The following TRABD2B variants were observed in gnomAD, a reference collection of about 807,000 sequenced individuals.
The protein encoded by TRABD2B is metalloprotease TIKI2.
Under a neutral mutation model 40.1 loss-of-function variants are expected in TRABD2B, and 14 were observed. The ratio of observed to expected loss-of-function variants is 0.35; its 90% CI spans 0.23 to 0.55. The LOEUF is 0.55. TRABD2B is among the 20% of genes least tolerant of loss of function. The probability of loss-of-function intolerance (pLI) is 0.90; values close to 1 mark genes in which losing one functional copy is unlikely to be tolerated. For missense variants in TRABD2B, 541 were observed against 648.6 expected, an observed-to-expected ratio of 0.83 and a Z score of 1.80; for synonymous variants, 263 against 277.0, an observed-to-expected ratio of 0.95 and a Z score of 0.50.
chr1:47,854,110 A>G (rs902470941), intron 2 of TRABD2B, among the ~76,000 whole-genome samples: 2 of 152,252 alleles, frequency 1.3e-5, no homozygotes, highest in Admixed American at 6.5e-5. Context: ...CAACTCTGCT[A>G]CTTACTAGCT....
chr1:47,839,417 C>T (rs556139466), intron 2 of TRABD2B, among the ~76,000 whole-genome samples: 1 of 152,292 alleles, frequency 6.6e-6, no homozygotes, highest in South Asian at 2.1e-4. Context: ...ACCAGTCCCC[C>T]AGTGAGACTG....
At chr1:47,892,576 C>T (rs1266752431) in intron 2 of TRABD2B, among the ~76,000 whole-genome samples, 1 of 152,108 alleles carries the variant, frequency 6.6e-6, no homozygotes, top group African/African-American at 2.4e-5. Context: ...GGACTGAGCC[C>T]TGGGACCCTC....
intron 2 of TRABD2B, among the ~76,000 whole-genome samples, chr1:47,852,237 G>A (rs1018564178): frequency 7.2e-5 from 11 of 152,148 alleles, no homozygotes; most frequent in Admixed American, 3.9e-4. Context: ...GAGGCCAGGC[G>A]GAGGTTTGGG....
At position 47,911,108 on chromosome 1, in the gene TRABD2B, TG is replaced by T. The variant is rs1393806029; in HGVS notation, c.666+82925del. Among the ~76,000 whole-genome samples, 9 of 152,276 alleles carry T rather than the reference TG, an allele frequency of 5.9e-5. No individual in the cohort carries two copies. In the East Asian group the frequency reaches 1.7e-3, roughly 29 times the overall value. ...GCCAGCCCCAGCCAGGATTTTTACATGGGGGAAAATAGAAATGTGTAATAGA... is the reference window on the plus strand; with the variant it reads ...GCCAGCCCCAGCCAGGATTTTTACATGGGGAAAATAGAAATGTGTAATAGA... On this transcript the variant is annotated intron_variant, in intron 2 of 6. Coordinates refer to ENST00000606738, the MANE Select transcript of TRABD2B (RefSeq NM_001194986.2).
rs561385807 is a variant in TRABD2B, at chr1:47,983,568, A to G, written c.666+10466T>C. ...AGTCCCCAAGTGGCTCAGTTTACCC[A>G]TCCTGTGACCAATCCACAGCTCTTC... is the stretch of plus-strand genomic sequence containing the variant. On this transcript the variant is annotated intron_variant, in intron 2 of 6. Coordinates refer to ENST00000606738, the MANE Select transcript of TRABD2B (RefSeq NM_001194986.2). 5.9e-5 allele frequency among the ~76,000 whole-genome samples: 9 copies of G among 152,230 alleles called. No homozygotes were observed. The South Asian group carries it at 1.9e-3, about 32-fold the overall frequency.
At chr1:47,799,229 T>A (rs1471724866) in intron 3 of TRABD2B, among the ~76,000 whole-genome samples, 1 of 152,124 alleles carries the variant, frequency 6.6e-6, no homozygotes, top group African/African-American at 2.4e-5. Context: ...CCTGGCCACA[T>A]CATGGCCAGA....
At chr1:47,958,310 G>A (rs1407243196) in intron 2 of TRABD2B, among the ~76,000 whole-genome samples, 11 of 142,010 alleles carry the variant, frequency 7.7e-5, no homozygotes, top group East Asian at 2.0e-4. Context: ...ACTAACAAGC[G>A]AAACAACCAG....
chr1:47,770,947 A>C (rs1569877616), intron 6 of TRABD2B, among the ~76,000 whole-genome samples: 1 of 152,302 alleles, frequency 6.6e-6, no homozygotes, highest in Non-Finnish European at 1.5e-5. Context: ...GCATCATCTC[A>C]CATAATCTCT....
At chr1:47,878,318 AC>A (rs1378677512) in intron 2 of TRABD2B, among the ~76,000 whole-genome samples, 1 of 152,076 alleles carries the variant, frequency 6.6e-6, no homozygotes, top group East Asian at 1.9e-4. Flanking sequence ...TCTCCCCTGC[AC>A]CCCCCAAAAA....
intron 2 of TRABD2B, among the ~76,000 whole-genome samples, chr1:47,952,453 G>A (rs1645358950): frequency 6.6e-6 from 1 of 152,144 alleles, no homozygotes; most frequent in African/African-American, 2.4e-5. Context: ...AGCCCACAAT[G>A]GCCACAAACA....
At position 47,931,680 on chromosome 1, in the gene TRABD2B, C is replaced by G. The variant is rs564799499; in HGVS notation, c.666+62354G>C. 5.3e-5 allele frequency among the ~76,000 whole-genome samples: 8 copies of G among 152,254 alleles called. No homozygotes were observed. In the East Asian group the frequency reaches 9.7e-4, roughly 18 times the overall value. On this transcript the variant is annotated intron_variant, in intron 2 of 6. Transcript: ENST00000606738. ...ATACCTGCCTTCTAGAGGGAAGCTTCTAGAACTCATCACACCAGCCCAGTT... is the reference window on the plus strand; with the variant it reads ...ATACCTGCCTTCTAGAGGGAAGCTTGTAGAACTCATCACACCAGCCCAGTT...
intron 2 of TRABD2B, among the ~76,000 whole-genome samples, chr1:47,976,874 G>A (rs76895813): frequency 0.067 from 10,215 of 152,174 alleles, 383 homozygotes; most frequent in East Asian, 0.1. Flanking sequence ...ACATGCAGTT[G>A]TAAGAAATAA....
chr1:47,995,781 T>C (rs1646081623), intron 1 of TRABD2B, among the ~76,000 whole-genome samples: 1 of 152,144 alleles, frequency 6.6e-6, no homozygotes, highest in Non-Finnish European at 1.5e-5. Context: ...AAACTGTTAA[T>C]CCCAGCATGT....
chr1:47,887,521 T>C (rs897639461), intron 2 of TRABD2B, among the ~76,000 whole-genome samples: 1 of 151,712 alleles, frequency 6.6e-6, no homozygotes, highest in Non-Finnish European at 1.5e-5. Context: ...CTCCCACTTG[T>C]TAAAACATTT....
At chr1:47,990,933 A>G (rs1361287507) in intron 2 of TRABD2B, among the ~76,000 whole-genome samples, 2 of 148,676 alleles carry the variant, frequency 1.3e-5, no homozygotes, top group Non-Finnish European at 3.0e-5. Flanking sequence ...CAACAAGAAA[A>G]CCTTCAGAGA....
intron 2 of TRABD2B, among the ~76,000 whole-genome samples, chr1:47,930,906 T>C (rs1645032067): frequency 6.6e-6 from 1 of 152,184 alleles, no homozygotes; most frequent in Non-Finnish European, 1.5e-5. Context: ...TCTCCCTTGG[T>C]GCTCCCAAAG....
At chr1:47,861,629 C>T (rs757924069) in intron 2 of TRABD2B, among the ~76,000 whole-genome samples, 2 of 152,172 alleles carry the variant, frequency 1.3e-5, no homozygotes, top group Non-Finnish European at 2.9e-5. Context: ...AATTAAGAAT[C>T]TTCCAAAACA....
At position 47,816,307 on chromosome 1, in the gene TRABD2B, C is replaced by T. The variant is rs901507708; in HGVS notation, c.667-14688G>A. 2.2e-4 allele frequency among the ~76,000 whole-genome samples: 33 copies of T among 152,084 alleles called. 1 individual carries two copies. The highest frequency in any genetic ancestry group is 7.0e-4 in the African/African-American group (29 of 41,396). ...GGCATGCTGTGTGTGGGTGAGACCACGGCACTCTCCCAGGCTCAAATTCCC... is the reference window on the plus strand; with the variant it reads ...GGCATGCTGTGTGTGGGTGAGACCATGGCACTCTCCCAGGCTCAAATTCCC... On this transcript the variant is annotated intron_variant, in intron 2 of 6. Coordinates refer to ENST00000606738, the MANE Select transcript of TRABD2B (RefSeq NM_001194986.2).
intron 2 of TRABD2B, among the ~76,000 whole-genome samples, chr1:47,871,515 C>A (rs1421637757): frequency 6.6e-6 from 1 of 152,232 alleles, no homozygotes; most frequent in Non-Finnish European, 1.5e-5. Context: ...CTGAATGAAC[C>A]GCCCTGAATG....
Sources: allele counts gnomAD v4.1 joint callset (sites outside exome capture counted in the v4.1 genomes callset), GRCh38; gene constraint gnomAD v4.1.1; transcripts MANE v1.5; gene names NCBI Gene and HGNC (gene_info 2026-07-23, HGNC 2026-07-21).